Variants in RCOR3 observed in about 807,000 individuals in gnomAD.
The protein encoded by RCOR3 is REST corepressor 3.
Under a neutral mutation model 64.1 loss-of-function variants are expected in RCOR3, and 13 were observed. The ratio of observed to expected loss-of-function variants is 0.20; its 90% confidence interval spans 0.13 to 0.32. RCOR3 has a LOEUF of 0.32. Among genes scored for constraint, RCOR3 ranks in the 10% least tolerant of loss-of-function variants. RCOR3 has a pLI of 1.00. For synonymous variants in RCOR3, 215 were observed against 239.0 expected (o/e 0.90, Z 0.93); for missense variants, 489 against 701.2 (o/e 0.70, Z 3.42).
chr1:211,310,732 A>G (rs1701395137), intron 10 of RCOR3, among the ~76,000 whole-genome samples: 1 of 152,208 alleles, frequency 6.6e-6, no homozygotes, highest in Admixed American at 6.5e-5. Context: ...CTTGGGGACA[A>G]CTTAGAGTTT....
chr1:211,283,671 A>G (rs1347755872), intron 7 of RCOR3, among the ~76,000 whole-genome samples: 1 of 152,124 alleles, frequency 6.6e-6, no homozygotes, highest in African/African-American at 2.4e-5. Flanking sequence ...TTAGAGACAG[A>G]ATCTTGCTTA....
intron 7 of RCOR3, among the ~76,000 whole-genome samples, 177 bp from the exon 8 acceptor site, chr1:211,289,001 C>T (rs1255726370): frequency 6.6e-6 from 1 of 152,040 alleles, no homozygotes; most frequent in South Asian, 2.1e-4. Context: ...TGCTTTTCCT[C>T]CCAGTTGGTG....
At chr1:211,296,840 A>G (rs1699905056) in intron 9 of RCOR3, among the ~76,000 whole-genome samples, 1 of 152,144 alleles carries the variant, frequency 6.6e-6, no homozygotes, top group Non-Finnish European at 1.5e-5. Context: ...TATTGCAACA[A>G]AAATTATTTT....
In RCOR3 at chr1:211,276,252, C is replaced by T; in HGVS notation, c.355-5C>T. 1.2e-6 allele frequency: 2 copies of T among 1,610,070 alleles called. No individual in the cohort carries two copies. Among genetic ancestry groups the T allele is most frequent in the Non-Finnish European group, 1.7e-6 (2 of 1,178,018 alleles). The stretch of plus-strand genomic sequence containing the variant: ...AAACCAAAGGGGAATGATTTCTCTT[C>T]AAAGGCACTTGGCATGTTGTTCTGG... On this transcript the variant is annotated splice_polypyrimidine_tract_variant and splice_region_variant and intron_variant, in intron 4 of 11. Coordinates refer to ENST00000419091, the MANE Select transcript of RCOR3 (RefSeq NM_001136223.3).
Position 211,299,013 on chromosome 1 carries a change from AAAAAG to A in RCOR3, c.1017+3269_1017+3273del, listed in dbSNP as rs529577107. The stretch of plus-strand genomic sequence containing the variant: ...CAGAGTGAGACTCCGTCTCAAAAAA[AAAAAG>A]AAAAGAAAGCCAGAAAGAGAAGTTT... On this transcript the variant is annotated intron_variant, in intron 9 of 11. Coordinates refer to ENST00000419091, the MANE Select transcript of RCOR3 (RefSeq NM_001136223.3). Among the ~76,000 whole-genome samples the A allele has an allele frequency of 5.2e-3, 794 of 152,314 alleles. 2 individuals carry two copies. The highest frequency in any genetic ancestry group is 8.7e-3 in the Non-Finnish European group (589 of 68,012).
At chr1:211,266,986 A>G (rs1248146473) in intron 2 of RCOR3, among the ~76,000 whole-genome samples, 1 of 152,158 alleles carries the variant, frequency 6.6e-6, no homozygotes, top group Non-Finnish European at 1.5e-5. Flanking sequence ...CCCCTTGAGG[A>G]TTTATTCATT....
At chr1:211,270,548 C>CA (rs11422589) in intron 2 of RCOR3, among the ~76,000 whole-genome samples, 129,366 of 147,982 alleles carry the variant, frequency 0.87, 56,600 homozygotes, top group South Asian at 0.93. Context: ...AGACATGGGG[C>CA]AAAAAAAAAA....
chr1:211,290,232 T>G (rs748130835), intron 8 of RCOR3, among the ~76,000 whole-genome samples: 12 of 152,226 alleles, frequency 7.9e-5, no homozygotes, highest in Non-Finnish European at 1.5e-4. Flanking sequence ...TGAATCTTAT[T>G]TCTCAAGCTG....
chr1:211,310,606 T>C (rs1483791659), intron 10 of RCOR3, among the ~76,000 whole-genome samples: 2 of 152,220 alleles, frequency 1.3e-5, no homozygotes, highest in African/African-American at 4.8e-5. Context: ...TGTATAATTT[T>C]ACAAATGTAA....
Position 211,259,507 on chromosome 1 carries a change from C to G in RCOR3, c.-54C>G. 6.6e-7 allele frequency: 1 copy of G among 1,525,826 alleles called. No individual in the cohort carries two copies. Among genetic ancestry groups the G allele is most frequent in the Middle Eastern group, 1.7e-4 (1 of 5,864 alleles). The allele number at this position is 1,525,826 out of a possible 1,614,324, so 94.5% of individuals were successfully genotyped here. ...CGCCCGCGCTCTAAGCCATCTCCGC[C>G]TTCACCCTGACGCCTGCCTCTTCCC... On this transcript the variant is annotated 5_prime_UTR_variant, in exon 1 of 12. Transcript: ENST00000419091.
Position 211,259,416 on chromosome 1 carries a change from T to A in RCOR3, c.-145T>A. 4.2e-6 allele frequency: 3 copies of A among 711,510 alleles called. No homozygotes were observed. The highest frequency in any genetic ancestry group is 2.0e-5 in the South Asian group (1 of 51,240). The allele number at this position is 711,510 out of a possible 1,614,324, so 44.1% of individuals were successfully genotyped here. ...GCCGGAGCGGGGCGGTTATGGCGGCTCCATATTAACAGCCTCCTCCTCCTC... is the reference window on the plus strand; with the variant it reads ...GCCGGAGCGGGGCGGTTATGGCGGCACCATATTAACAGCCTCCTCCTCCTC... On this transcript the variant is annotated 5_prime_UTR_variant, in exon 1 of 12. Transcript: ENST00000419091.
chr1:211,265,886 A>G (rs1286780158), intron 2 of RCOR3, among the ~76,000 whole-genome samples: 1 of 152,152 alleles, frequency 6.6e-6, no homozygotes, highest in Non-Finnish European at 1.5e-5. Context: ...ACCCTGTTTG[A>G]AACCCTGGAG....
intron 7 of RCOR3, among the ~76,000 whole-genome samples, chr1:211,279,710 C>T: frequency 6.6e-6 from 1 of 152,182 alleles, no homozygotes; most frequent in East Asian, 1.9e-4. Context: ...GCTAAATATT[C>T]TCAAATTCCT....
rs1701587192 is a variant in RCOR3 at position 211,312,386 on chromosome 1, G to A, written c.1076-334G>A. ...GGCTACTAGGGAAATAAATGAATGT[G>A]GAATTGAGGATGGAACAAAGAATTC... On this transcript the variant is annotated intron_variant, in intron 10 of 11. Transcript: ENST00000419091. The surrounding 1 kb of genome is among the most constrained non-coding windows in gnomAD (Gnocchi z 5.0). 1 of 480,212 alleles carries A rather than the reference G, an allele frequency of 2.1e-6. No individual in the cohort carries two copies. The highest frequency in any genetic ancestry group is 2.0e-5 in the African/African-American group (1 of 51,160). The allele number at this position is 480,212 out of a possible 1,614,324, so 29.7% of individuals were successfully genotyped here. A position where few individuals can be genotyped will look rare whatever the true frequency, so the allele number is the denominator to read the frequency against.
At chr1:211,265,217 TAA>T (rs770195700) in intron 2 of RCOR3, among the ~76,000 whole-genome samples, 5 of 152,212 alleles carry the variant, frequency 3.3e-5, no homozygotes, top group South Asian at 2.1e-4. Flanking sequence ...TTGAAAATAT[TAA>T]GTTTGATAAT....
At chr1:211,291,824 G>A (rs77512677) in intron 8 of RCOR3, among the ~76,000 whole-genome samples, 15 of 152,150 alleles carry the variant, frequency 9.9e-5, no homozygotes, top group South Asian at 8.3e-4. Flanking sequence ...ACACCTCTCC[G>A]AAGATCATTT....
At chr1:211,272,812 G>A (rs1248803150) in intron 3 of RCOR3, among the ~76,000 whole-genome samples, 2 of 150,528 alleles carry the variant, frequency 1.3e-5, no homozygotes, top group Non-Finnish European at 3.0e-5. Flanking sequence ...TAGTAGAGAC[G>A]GGGTTTCACC....
At chr1:211,291,822 C>G (rs1173039590) in intron 8 of RCOR3, among the ~76,000 whole-genome samples, 1 of 152,122 alleles carries the variant, frequency 6.6e-6, no homozygotes, top group East Asian at 1.9e-4. Flanking sequence ...AAACACCTCT[C>G]CGAAGATCAT....
At chr1:211,280,131 A>G (rs1200333495) in intron 7 of RCOR3, among the ~76,000 whole-genome samples, 1 of 152,216 alleles carries the variant, frequency 6.6e-6, no homozygotes, top group Admixed American at 6.5e-5. Flanking sequence ...GAAATCTTGG[A>G]TACAAGTTGC....
Sources: allele counts gnomAD v4.1 joint callset (sites outside exome capture counted in the v4.1 genomes callset), GRCh38; gene constraint gnomAD v4.1.1; non-coding constraint Gnocchi (gnomAD v3.1); transcripts MANE v1.5; gene names NCBI Gene and HGNC (gene_info 2026-07-23, HGNC 2026-07-21).